NWD2: variants seen among roughly 807,000 people sequenced by gnomAD.
NWD2 encodes the protein NACHT and WD repeat domain-containing protein 2.
A neutral mutation model predicts 132.7 loss-of-function variants in NWD2; 37 were observed. That is an observed-to-expected ratio of 0.28 (90% CI 0.21 to 0.37). The LOEUF (loss-of-function observed/expected upper bound fraction) is 0.37, where lower values mean the gene tolerates loss of function less well. Among genes scored for constraint, NWD2 ranks in the 10% least tolerant of loss-of-function variants. The pLI is 1.00. For synonymous variants in NWD2, 705 were observed against 803.0 expected (o/e 0.88, Z 2.06); for missense variants, 1,592 against 2,122.4 (o/e 0.75, Z 4.91).
intron 1 of NWD2, among the ~76,000 whole-genome samples, chr4:37,316,340 G>C (rs1033625155): frequency 6.6e-6 from 1 of 151,884 alleles, no homozygotes; most frequent in African/African-American, 2.4e-5. Context: ...CTTCTGATGA[G>C]AAGTCAGCTA....
At chr4:37,270,875 A>G (rs541479152) in intron 1 of NWD2, among the ~76,000 whole-genome samples, 1 of 152,016 alleles carries the variant, frequency 6.6e-6, no homozygotes, top group South Asian at 2.1e-4. Context: ...TAGAAACTAT[A>G]TAACTTTAGC....
chr4:37,312,266 G>A (rs1475375646), intron 1 of NWD2, among the ~76,000 whole-genome samples: 5 of 151,218 alleles, frequency 3.3e-5, no homozygotes, highest in African/African-American at 1.2e-4. Context: ...CATGAGCATG[G>A]AATGTTCTTC....
chr4:37,276,965 C>G (rs540008294), intron 1 of NWD2, among the ~76,000 whole-genome samples: 2 of 151,858 alleles, frequency 1.3e-5, no homozygotes, highest in Admixed American at 6.6e-5. Context: ...AGGGGAACAT[C>G]ACACACCGGG....
chr4:37,312,546 C>T lies in NWD2; in HGVS notation c.152-13390C>T, dbSNP rs1432474085. 4.9e-4 allele frequency among the ~76,000 whole-genome samples: 74 copies of T among 151,000 alleles called. No homozygotes were observed. In the East Asian group the frequency reaches 0.013, roughly 26 times the overall value. ...GATTTTGGGCTGAGACAGTGGGGTTCTCTAGATATACAATCATGTCATCTG... is the reference window on the plus strand; with the variant it reads ...GATTTTGGGCTGAGACAGTGGGGTTTTCTAGATATACAATCATGTCATCTG... On this transcript the variant is annotated intron_variant, in intron 1 of 6. Coordinates refer to ENST00000309447, the MANE Select transcript of NWD2 (RefSeq NM_001144990.2).
rs1719165598 is a variant in NWD2, at chr4:37,325,966, A to G, written c.182A>G (p.Glu61Gly). The G allele has an allele frequency of 1.3e-6, 2 of 1,548,868 alleles. No individual in the cohort carries two copies. Among genetic ancestry groups the G allele is most frequent in the East Asian group, 2.4e-5 (1 of 40,864 alleles). Reference sequence around the variant, plus strand: ...GGAGCAGAAAGACAGGCGCTAAGAGAAAATGTATATCCTAAACTGAGAGAA... The same window carrying G: ...GGAGCAGAAAGACAGGCGCTAAGAGGAAATGTATATCCTAAACTGAGAGAA... ...DTGAERQALRENVYPKLREFC... is the reference protein window; with the variant it reads ...DTGAERQALRGNVYPKLREFC... The change falls in exon 2 of 7, where the codon GAA becomes GGA. Residue 61 changes from glutamate to glycine, a missense_variant. Transcript: ENST00000309447.
In NWD2 at chr4:37,428,066, G is replaced by T. The variant is rs147201901; in HGVS notation, c.358-2506G>T. 7.5e-3 allele frequency among the ~76,000 whole-genome samples: 1,146 copies of T among 152,306 alleles called. 20 individuals carry two copies. Among genetic ancestry groups the T allele is most frequent in the African/African-American group, 0.026 (1,096 of 41,570 alleles). On this transcript the variant is annotated intron_variant, in intron 3 of 6. Transcript: ENST00000309447. ...GTGTTTTAATCATTTCTATGAGCTA[G>T]GAATAAACAGCTCTGGCCTCTCCCT...
intron 1 of NWD2, among the ~76,000 whole-genome samples, chr4:37,317,709 C>T (rs148114442): frequency 1.3e-3 from 195 of 152,240 alleles, no homozygotes; most frequent in African/African-American, 4.6e-3. Flanking sequence ...GTTATTTTGA[C>T]AATTTGGTCA....
intron 3 of NWD2, among the ~76,000 whole-genome samples, chr4:37,363,656 T>C (rs1359966548): frequency 6.6e-6 from 1 of 152,054 alleles, no homozygotes; most frequent in Admixed American, 6.5e-5. Context: ...CATGCTGCCA[T>C]CAGTGGCACA....
chr4:37,396,222 ATAT>A (rs2109313692), intron 3 of NWD2, among the ~76,000 whole-genome samples: 1 of 152,200 alleles, frequency 6.6e-6, no homozygotes, highest in East Asian at 1.9e-4. Context: ...GACACAAATG[ATAT>A]TATCCGATTG....
At chr4:37,372,314 T>A (rs552222581) in intron 3 of NWD2, among the ~76,000 whole-genome samples, 1 of 152,272 alleles carries the variant, frequency 6.6e-6, no homozygotes, top group Non-Finnish European at 1.5e-5. Flanking sequence ...TCCTAGTAAT[T>A]TATGAGAAAG....
chr4:37,421,486 G>C (rs1274043934), intron 3 of NWD2, among the ~76,000 whole-genome samples: 1 of 152,138 alleles, frequency 6.6e-6, no homozygotes, highest in Non-Finnish European at 1.5e-5. Context: ...GTAAAAAGGA[G>C]AATTATTATT....
At chr4:37,377,950 C>A (rs1438835713) in intron 3 of NWD2, among the ~76,000 whole-genome samples, 2 of 151,596 alleles carry the variant, frequency 1.3e-5, no homozygotes, top group African/African-American at 4.8e-5. Context: ...TTTTAATTAG[C>A]CTCATTTAAT....
intron 1 of NWD2, among the ~76,000 whole-genome samples, chr4:37,291,353 C>G: frequency 6.6e-6 from 1 of 151,972 alleles, no homozygotes. Context: ...GGTGATTCAG[C>G]TGCTGCATTG....
chr4:37,265,865 G>A (rs935864432), intron 1 of NWD2, among the ~76,000 whole-genome samples: 8 of 151,928 alleles, frequency 5.3e-5, no homozygotes, highest in East Asian at 1.9e-4. Context: ...GGTAACATTC[G>A]CAGCTTCCAG....
intron 3 of NWD2, among the ~76,000 whole-genome samples, chr4:37,364,456 C>T (rs1193803991): frequency 2.0e-5 from 3 of 151,972 alleles, no homozygotes; most frequent in Admixed American, 2.0e-4. Flanking sequence ...AGGGGTGTTC[C>T]CATACAGCAG....
At chr4:37,337,325 GC>G (rs1277348631) in intron 2 of NWD2, among the ~76,000 whole-genome samples, 1 of 152,148 alleles carries the variant, frequency 6.6e-6, no homozygotes, top group East Asian at 1.9e-4. Context: ...GCCCAAACAC[GC>G]CTTTGCAACT....
chr4:37,324,213 G>T (rs575963954), intron 1 of NWD2, among the ~76,000 whole-genome samples: 1 of 152,000 alleles, frequency 6.6e-6, no homozygotes, highest in African/African-American at 2.4e-5. Context: ...TTCCAATTGT[G>T]CATTCAAGTC....
intron 3 of NWD2, among the ~76,000 whole-genome samples, chr4:37,380,613 T>A (rs1560408639): frequency 6.6e-6 from 1 of 152,206 alleles, no homozygotes; most frequent in Non-Finnish European, 1.5e-5. Context: ...AACTATATGC[T>A]AAGGAATCAC....
chr4:37,425,068 A>G (rs147589221), intron 3 of NWD2, among the ~76,000 whole-genome samples: 1 of 152,352 alleles, frequency 6.6e-6, no homozygotes, highest in Non-Finnish European at 1.5e-5. Flanking sequence ...AAGAAGGAAA[A>G]TGAGATTTTA....
Sources: allele counts gnomAD v4.1 joint callset (sites outside exome capture counted in the v4.1 genomes callset), GRCh38; gene constraint gnomAD v4.1.1; transcripts MANE v1.5; gene names NCBI Gene and HGNC (gene_info 2026-07-23, HGNC 2026-07-21).